Variants in ANO2 observed in about 807,000 individuals in gnomAD.
The protein encoded by ANO2 is anoctamin-2.
ANO2 carries 101 observed loss-of-function variants against 124.2 expected under a neutral mutation model. The ratio of observed to expected loss-of-function variants is 0.81; its 90% confidence interval spans 0.69 to 0.96. The LOEUF (loss-of-function observed/expected upper bound fraction) is 0.96, where lower values mean the gene tolerates loss of function less well. ANO2 is among the 40% of genes least tolerant of loss of function. The pLI is 0.00. For synonymous variants in ANO2, 486 were observed against 482.5 expected, an observed-to-expected ratio of 1.01 and a Z score of -0.09; for missense variants, 1,293 against 1,274.5, an observed-to-expected ratio of 1.01 and a Z score of -0.22.
At chr12:5,884,826 A>C (rs1259273344) in intron 3 of ANO2, among the ~76,000 whole-genome samples, 1 of 152,206 alleles carries the variant, frequency 6.6e-6, no homozygotes, top group African/African-American at 2.4e-5. Flanking sequence ...CCACAGCATG[A>C]TGAAGAAGGG....
chr12:5,900,871 T>C lies in ANO2; in HGVS notation c.534+20169A>G, dbSNP rs1217362529. On this transcript the variant is annotated intron_variant, in intron 3 of 24. Transcript: ENST00000682330. The surrounding 1 kb of genome is among the most constrained non-coding windows in gnomAD (Gnocchi z 4.2). ...TCTCCTTGTTCTCGGCTCAGGAGAC[T>C]CAGAGAAAGCCCAACAGCTGGGACA... is the stretch of plus-strand genomic sequence containing the variant. Among the ~76,000 whole-genome samples, 1 of 152,170 alleles carries C rather than the reference T, an allele frequency of 6.6e-6. No individual in the cohort carries two copies. Among genetic ancestry groups the C allele is most frequent in the African/African-American group, 2.4e-5 (1 of 41,440 alleles).
chr12:5,628,711 C>G (rs1945542808), intron 16 of ANO2, among the ~76,000 whole-genome samples: 1 of 152,082 alleles, frequency 6.6e-6, no homozygotes, highest in Non-Finnish European at 1.5e-5. Flanking sequence ...CGTGCGTGCA[C>G]ATGTGCATGC....
intron 20 of ANO2, among the ~76,000 whole-genome samples, chr12:5,580,331 A>G (rs1942674770): frequency 6.7e-6 from 1 of 149,778 alleles, no homozygotes; most frequent in South Asian, 2.1e-4. Context: ...GTGTAATTTT[A>G]TTCTTATTGG....
At chr12:5,639,104 C>G (rs565366391) in intron 15 of ANO2, among the ~76,000 whole-genome samples, 2 of 152,244 alleles carry the variant, frequency 1.3e-5, no homozygotes, top group South Asian at 4.1e-4. Context: ...AGTTTTGGGA[C>G]AGTTTCCTAT....
At chr12:5,897,522 A>G (rs1004100926) in intron 3 of ANO2, among the ~76,000 whole-genome samples, 5 of 152,206 alleles carry the variant, frequency 3.3e-5, no homozygotes, top group Non-Finnish European at 7.3e-5. Context: ...TGATTAAGAT[A>G]ATGAGATATT....
chr12:5,681,958 G>A (rs1437921095), intron 14 of ANO2, among the ~76,000 whole-genome samples: 2 of 152,114 alleles, frequency 1.3e-5, no homozygotes, highest in Admixed American at 6.5e-5. Flanking sequence ...AGGGATAATT[G>A]GGGAAAATCA....
At position 5,564,983 on chromosome 12, in the gene ANO2, G is replaced by A. The variant is rs527870193; in HGVS notation, c.2727+575C>T. Reference sequence around the variant, plus strand: ...CCCAGAGTGGGAATTGGGGGCCCTCGAGCTCAGAGAATCTCAGCGATGCAA... The same window carrying A: ...CCCAGAGTGGGAATTGGGGGCCCTCAAGCTCAGAGAATCTCAGCGATGCAA... On this transcript the variant is annotated intron_variant, in intron 24 of 24. Coordinates refer to ENST00000682330, the MANE Select transcript of ANO2 (RefSeq NM_001364791.2). Among the ~76,000 whole-genome samples the A allele has an allele frequency of 3.9e-5, 6 of 152,200 alleles. No homozygotes were observed. In the South Asian group the frequency reaches 6.2e-4, roughly 16 times the overall value.
chr12:5,924,806 T>A (rs552745505), intron 1 of ANO2, among the ~76,000 whole-genome samples: 1 of 152,314 alleles, frequency 6.6e-6, no homozygotes, highest in East Asian at 1.9e-4. Flanking sequence ...CAGCCTGCTT[T>A]TCCCCGTTAA....
intron 4 of ANO2, chr12:5,836,759 G>C (rs1384493264): frequency 6.5e-6 from 1 of 154,404 alleles, no homozygotes; most frequent in Non-Finnish European, 1.5e-5. Flanking sequence ...TTCACACTGA[G>C]GTCTCGTGTT....
chr12:5,670,923 T>C (rs1233429703), intron 14 of ANO2, among the ~76,000 whole-genome samples: 1 of 152,124 alleles, frequency 6.6e-6, no homozygotes, highest in African/African-American at 2.4e-5. Flanking sequence ...AAACCAAGGC[T>C]CAAAGCGACA....
intron 3 of ANO2, among the ~76,000 whole-genome samples, chr12:5,869,826 T>C (rs1210098765): frequency 6.6e-6 from 1 of 152,166 alleles, no homozygotes; most frequent in African/African-American, 2.4e-5. Flanking sequence ...TTTCAGCTGA[T>C]AACTTCAAAA....
chr12:5,743,259 T>C (rs1009862658), intron 12 of ANO2, among the ~76,000 whole-genome samples: 1 of 152,012 alleles, frequency 6.6e-6, no homozygotes, highest in African/African-American at 2.4e-5. Context: ...TCAAACAGCC[T>C]CTGCAGCAGG....
chr12:5,925,786 G>A lies in ANO2; in HGVS notation c.23-2982C>T, dbSNP rs561953948. Among the ~76,000 whole-genome samples, 3 of 152,318 alleles carry A rather than the reference G, an allele frequency of 2.0e-5. No individual in the cohort carries two copies. The highest frequency in any genetic ancestry group is 1.9e-4 in the East Asian group (1 of 5,186). On this transcript the variant is annotated intron_variant, in intron 1 of 24. Transcript: ENST00000682330. The surrounding 1 kb of genome is among the most constrained non-coding windows in gnomAD (Gnocchi z 4.6). ...CTTGGGTGTTCATAACTGCAATGCCGTGAGGGTGGGGGCATGGCTTACCCA... is the reference window on the plus strand; with the variant it reads ...CTTGGGTGTTCATAACTGCAATGCCATGAGGGTGGGGGCATGGCTTACCCA...
chr12:5,780,828 G>C (rs189891298), intron 10 of ANO2, among the ~76,000 whole-genome samples: 1 of 152,156 alleles, frequency 6.6e-6, no homozygotes, highest in Admixed American at 6.5e-5. Context: ...CTGAATACAA[G>C]AATAAATCTG....
At chr12:5,691,111 C>T (rs1435512573) in intron 14 of ANO2, among the ~76,000 whole-genome samples, 3 of 151,960 alleles carry the variant, frequency 2.0e-5, no homozygotes, top group South Asian at 2.1e-4. Context: ...AGGCAGATCA[C>T]GAGGTCAGGA....
intron 4 of ANO2, among the ~76,000 whole-genome samples, chr12:5,850,415 C>CAAA (rs11307572): frequency 4.0e-5 from 4 of 100,186 alleles, no homozygotes; most frequent in Admixed American, 2.2e-4. Flanking sequence ...CACTCCATCT[C>CAAA]AAAAAAAAAA....
intron 1 of ANO2, among the ~76,000 whole-genome samples, chr12:5,926,576 T>C (rs528851048): frequency 6.6e-6 from 1 of 152,282 alleles, no homozygotes; most frequent in Admixed American, 6.5e-5. Context: ...GCCTGGACCA[T>C]GCTTCCCTAC....
intron 15 of ANO2, among the ~76,000 whole-genome samples, chr12:5,637,362 C>CGTGTGT (rs1565504464): frequency 2.8e-5 from 4 of 141,188 alleles, no homozygotes; most frequent in Admixed American, 6.9e-5. Context: ...TGTGTGTGTA[C>CGTGTGT]GTGTGTGTGT....
intron 14 of ANO2, among the ~76,000 whole-genome samples, chr12:5,678,851 C>T (rs1247460480): frequency 2.0e-5 from 3 of 152,284 alleles, no homozygotes; most frequent in East Asian, 3.9e-4. Context: ...CAGGTATATC[C>T]GTGAAGATCT....
Sources: gnomAD v4.1 joint callset for allele counts (sites outside exome capture counted in the v4.1 genomes callset) on GRCh38, gnomAD v4.1.1 for gene constraint, Gnocchi (gnomAD v3.1) non-coding constraint, MANE v1.5 for transcripts, NCBI Gene and HGNC (gene_info 2026-07-23, HGNC 2026-07-21) for gene names.